The following ESRRG variants were observed in gnomAD, a reference collection of about 807,000 sequenced individuals.
ESRRG encodes estrogen related receptor gamma, also known as estrogen-related receptor gamma.
Under a neutral mutation model 44.0 loss-of-function variants are expected in ESRRG, and 13 were observed. The ratio of observed to expected loss-of-function variants is 0.30; its 90% CI spans 0.19 to 0.47. The LOEUF (loss-of-function observed/expected upper bound fraction) is 0.47. Among genes scored for constraint, ESRRG ranks in the 20% least tolerant of loss-of-function variants. The probability of loss-of-function intolerance (pLI) is 1.00; values close to 1 mark genes in which losing one functional copy is unlikely to be tolerated. For missense variants in ESRRG, 395 were observed against 580.6 expected, an observed-to-expected ratio of 0.68 and a Z score of 3.29; for synonymous variants, 215 against 214.6, an observed-to-expected ratio of 1.00 and a Z score of -0.02.
At chr1:216,604,175 T>C (rs957875374) in intron 3 of ESRRG, among the ~76,000 whole-genome samples, 35 of 152,116 alleles carry the variant, frequency 2.3e-4, no homozygotes, top group African/African-American at 8.0e-4. Flanking sequence ...CCAAAGGGTG[T>C]TGGAGAATTA....
At chr1:216,772,420 T>C (rs954809620) in intron 2 of ESRRG, among the ~76,000 whole-genome samples, 9 of 152,098 alleles carry the variant, frequency 5.9e-5, no homozygotes, top group Admixed American at 2.6e-4. Flanking sequence ...GATTCCTCAA[T>C]TCCACAGCCT....
chr1:216,757,024 T>C (rs1394767259), intron 2 of ESRRG, among the ~76,000 whole-genome samples: 1 of 151,932 alleles, frequency 6.6e-6, no homozygotes, highest in African/African-American at 2.4e-5. Context: ...TCATTCCCTC[T>C]CCTCATAAAG....
At chr1:216,723,801 G>T (rs1365191804), upstream of ESRRG, among the ~76,000 whole-genome samples, 1 of 152,044 alleles carries the variant, frequency 6.6e-6, no homozygotes, top group Non-Finnish European at 1.5e-5. Context: ...GCACTGGAGG[G>T]ATTTGCCTTT....
intron 2 of ESRRG, among the ~76,000 whole-genome samples, chr1:216,883,444 C>A (rs113504131): frequency 7.4e-6 from 1 of 135,298 alleles, no homozygotes; most frequent in African/African-American, 2.7e-5. Context: ...TTGCCATGAA[C>A]ACTTGCTTAA....
chr1:217,040,833 C>A (rs928056616), intron 1 of ESRRG, among the ~76,000 whole-genome samples: 2 of 152,096 alleles, frequency 1.3e-5, no homozygotes, highest in Non-Finnish European at 2.9e-5. Context: ...GCACAGTGGA[C>A]CTCAGTAGAT....
intron 3 of ESRRG, among the ~76,000 whole-genome samples, chr1:216,613,357 G>C (rs2060937111): frequency 6.6e-6 from 1 of 152,114 alleles, no homozygotes; most frequent in African/African-American, 2.4e-5. Flanking sequence ...TCTGCAGTAA[G>C]AAGTCATTAT....
intron 1 of ESRRG, among the ~76,000 whole-genome samples, chr1:216,984,056 G>A (rs564070879): frequency 1.1e-3 from 164 of 148,438 alleles, no homozygotes; most frequent in Non-Finnish European, 1.7e-3. Flanking sequence ...AATGGGGGGG[G>A]GTATGTGGAG....
At chr1:216,825,555 T>A (rs1041590484) in intron 2 of ESRRG, among the ~76,000 whole-genome samples, 3 of 152,080 alleles carry the variant, frequency 2.0e-5, no homozygotes, top group Non-Finnish European at 4.4e-5. Context: ...AGGTAGTGAG[T>A]TCTAAGTTAT....
chr1:216,648,557 C>A (rs1052794894), intron 3 of ESRRG, among the ~76,000 whole-genome samples: 4 of 152,066 alleles, frequency 2.6e-5, no homozygotes, highest in African/African-American at 9.7e-5. Flanking sequence ...ACTCTTACCG[C>A]CCTTCAGGAT....
chr1:217,053,140 A>AAAAAAAAAAAAACAAAAAACAAAAAAC (rs1558123793), intron 1 of ESRRG, among the ~76,000 whole-genome samples: 12 of 150,444 alleles, frequency 8.0e-5, no homozygotes, highest in African/African-American at 2.9e-4. Flanking sequence ...TCTTAAAAAA[A>AAAAAAAAAAAAACAAAAAACAAAAAAC]AAAAAAAAAA....
intron 1 of ESRRG, among the ~76,000 whole-genome samples, chr1:217,045,122 T>A (rs79761661): frequency 0.025 from 3,862 of 152,266 alleles, 171 homozygotes; most frequent in African/African-American, 0.088. Context: ...GGGAAATATA[T>A]TTTTTTAAAT....
At chr1:216,731,938 G>A (rs2088862896) in intron 2 of ESRRG, among the ~76,000 whole-genome samples, 1 of 152,148 alleles carries the variant, frequency 6.6e-6, no homozygotes, top group African/African-American at 2.4e-5. Flanking sequence ...AGTGAGAATA[G>A]ACATGGATTA....
At chr1:216,851,924 C>CA (rs11324399) in intron 2 of ESRRG, among the ~76,000 whole-genome samples, 372 of 147,350 alleles carry the variant, frequency 2.5e-3, no homozygotes, top group East Asian at 8.7e-3. Context: ...TAATAAGATA[C>CA]AAAAAAAAAA....
chr1:216,718,945 T>C (rs1018784637), intron 1 of ESRRG, among the ~76,000 whole-genome samples: 1 of 152,076 alleles, frequency 6.6e-6, no homozygotes, highest in African/African-American at 2.4e-5. Context: ...ATTGGTTTAA[T>C]AGAAATCATT....
At chr1:216,732,491 C>T (rs1488600839) in intron 2 of ESRRG, among the ~76,000 whole-genome samples, 1 of 151,922 alleles carries the variant, frequency 6.6e-6, no homozygotes, top group East Asian at 1.9e-4. Context: ...ATTCTCTTGC[C>T]TCGGCCTCCA....
chr1:216,713,143 T>TA, intron 1 of ESRRG, among the ~76,000 whole-genome samples: 1 of 152,286 alleles, frequency 6.6e-6, no homozygotes, highest in Middle Eastern at 3.4e-3. Flanking sequence ...GCTCTTGCAC[T>TA]ATCACTTATC....
intron 2 of ESRRG, chr1:216,863,307 G>T (rs1446868536): frequency 6.6e-6 from 1 of 152,114 alleles, no homozygotes; most frequent in Non-Finnish European, 1.5e-5. Flanking sequence ...AGAAAATAGA[G>T]AAATTATAGC....
chr1:216,841,207 T>TGAG lies in ESRRG; in HGVS notation c.-14+98374_-14+98375insCTC, dbSNP rs1488819754. On this transcript the variant is annotated intron_variant, in intron 2 of 7. Transcript: ENST00000359162. The stretch of plus-strand genomic sequence containing the variant: ...AATAGAATTTTTTTTTTCTAATTTC[T>TGAG]GGGGAGGGAGTGAGAGAGAAGCATC... Among the ~76,000 whole-genome samples the TGAG allele has an allele frequency of 6.6e-5, 10 of 152,150 alleles. No homozygotes were observed. The East Asian group carries it at 1.7e-3, about 27-fold the overall frequency.
chr1:216,730,600 A>G (rs1404542772), intron 2 of ESRRG, among the ~76,000 whole-genome samples: 4 of 152,156 alleles, frequency 2.6e-5, no homozygotes, highest in African/African-American at 9.7e-5. Flanking sequence ...ATGTTATAGG[A>G]ACACAATGAA....
Sources: allele counts gnomAD v4.1 joint callset (sites outside exome capture counted in the v4.1 genomes callset), GRCh38; gene constraint gnomAD v4.1.1; transcripts MANE v1.5; gene names NCBI Gene and HGNC (gene_info 2026-07-23, HGNC 2026-07-21).